CSNK2A2IP: variants seen among roughly 807,000 people sequenced by gnomAD.
CSNK2A2IP encodes casein kinase II subunit alpha'-interacting protein.
chr3:88,429,904 C>T, the CSNK2A2IP span, among the ~76,000 whole-genome samples: 2 of 147,746 alleles, frequency 1.4e-5, no homozygotes, highest in South Asian at 4.6e-4. Flanking sequence ...AGGCGCCCGC[C>T]ACCACGCCAG....
chr3:88,371,907 A>C, the CSNK2A2IP span, among the ~76,000 whole-genome samples: 1 of 151,652 alleles, frequency 6.6e-6, no homozygotes, highest in East Asian at 1.9e-4. Flanking sequence ...GACATATTCA[A>C]AGTGCTTAAA....
the CSNK2A2IP span, among the ~76,000 whole-genome samples, chr3:88,395,462 T>C: frequency 6.6e-6 from 1 of 152,224 alleles, no homozygotes. Context: ...ACTACATTTG[T>C]GAACATAAAC....
the CSNK2A2IP span, among the ~76,000 whole-genome samples, chr3:88,462,684 A>T: frequency 5.9e-5 from 9 of 152,368 alleles, no homozygotes; most frequent in East Asian, 1.7e-3. Flanking sequence ...GCTGCCAGGG[A>T]TGATTTCAAA....
At chr3:88,415,608 G>A in the CSNK2A2IP span, among the ~76,000 whole-genome samples, 1 of 151,874 alleles carries the variant, frequency 6.6e-6, no homozygotes, top group Admixed American at 6.6e-5. Flanking sequence ...GGGAGGGGGC[G>A]GGAAAGAGAG....
the CSNK2A2IP span, among the ~76,000 whole-genome samples, chr3:88,449,567 C>T: frequency 5.3e-5 from 8 of 150,748 alleles, no homozygotes; most frequent in Admixed American, 2.6e-4. Context: ...TCATATCTTC[C>T]ACTTCATGTG....
chr3:88,387,802 T>G, the CSNK2A2IP span, among the ~76,000 whole-genome samples: 1 of 152,174 alleles, frequency 6.6e-6, no homozygotes, highest in Non-Finnish European at 1.5e-5. Flanking sequence ...CACAGCTCAC[T>G]GCAGCCTTGA....
At chr3:88,351,329 T>C in the CSNK2A2IP span, among the ~76,000 whole-genome samples, 1 of 152,132 alleles carries the variant, frequency 6.6e-6, no homozygotes, top group Non-Finnish European at 1.5e-5. Context: ...TGACAGCTTG[T>C]TAGATAAATA....
chr3:88,419,576 T>G, the CSNK2A2IP span, among the ~76,000 whole-genome samples: 1 of 152,196 alleles, frequency 6.6e-6, no homozygotes, highest in Non-Finnish European at 1.5e-5. Context: ...TACACGTGCA[T>G]GTTTCTTTAC....
the CSNK2A2IP span, among the ~76,000 whole-genome samples, chr3:88,383,991 C>T: frequency 7.9e-5 from 12 of 152,024 alleles, no homozygotes; most frequent in Admixed American, 7.9e-4. Context: ...CTGCTTTTGA[C>T]CCTGCCGATT....
At chr3:88,353,910 AAAT>A in the CSNK2A2IP span, among the ~76,000 whole-genome samples, 1 of 152,116 alleles carries the variant, frequency 6.6e-6, no homozygotes, top group African/African-American at 2.4e-5. Context: ...TCTTATGTTA[AAAT>A]TTGATCCCCA....
the CSNK2A2IP span, among the ~76,000 whole-genome samples, chr3:88,387,317 T>G: frequency 4.6e-5 from 7 of 151,952 alleles, no homozygotes; most frequent in African/African-American, 1.2e-4. Context: ...ATTACAGGCA[T>G]GTGCCACCAC....
chr3:88,436,124 T>C, the CSNK2A2IP span, among the ~76,000 whole-genome samples: 2 of 152,046 alleles, frequency 1.3e-5, no homozygotes, highest in African/African-American at 2.4e-5. Flanking sequence ...GTTCTTTACC[T>C]GAATTACTTT....
chr3:88,452,697 C>A, the CSNK2A2IP span, among the ~76,000 whole-genome samples: 3 of 152,060 alleles, frequency 2.0e-5, no homozygotes, highest in African/African-American at 4.8e-5. Flanking sequence ...GAAATAGTAG[C>A]CTAGGAATTA....
chr3:88,382,139 T>A, the CSNK2A2IP span, among the ~76,000 whole-genome samples: 2 of 152,236 alleles, frequency 1.3e-5, no homozygotes, highest in African/African-American at 2.4e-5. Context: ...ACTTGTTCAG[T>A]TAGCCACTAC....
chr3:88,416,919 ATTATGGCATGAAAATAAT>A, the CSNK2A2IP span, among the ~76,000 whole-genome samples: 1 of 152,040 alleles, frequency 6.6e-6, no homozygotes, highest in Non-Finnish European at 1.5e-5. Flanking sequence ...CATATGCAAT[ATTATGGCATGAAAATAAT>A]TTACAGCACT....
At chr3:88,465,740 AAAC>A in the CSNK2A2IP span, 11 of 1,231,526 alleles carry the variant, frequency 8.9e-6, no homozygotes, top group Non-Finnish European at 1.1e-5. Context: ...TCCAAAGCTC[AAAC>A]AACGTCTTCA....
the CSNK2A2IP span, among the ~76,000 whole-genome samples, chr3:88,439,952 G>A: frequency 6.6e-6 from 1 of 151,930 alleles, no homozygotes; most frequent in Admixed American, 6.6e-5. Flanking sequence ...GAGAGAACAG[G>A]CTCACTATAA....
the CSNK2A2IP span, among the ~76,000 whole-genome samples, chr3:88,445,148 T>C: frequency 1.3e-5 from 2 of 151,872 alleles, no homozygotes; most frequent in Non-Finnish European, 2.9e-5. Flanking sequence ...CCAGAGATAA[T>C]ATAATCTACA....
At chr3:88,397,355 C>T in the CSNK2A2IP span, among the ~76,000 whole-genome samples, 1 of 152,098 alleles carries the variant, frequency 6.6e-6, no homozygotes, top group Non-Finnish European at 1.5e-5. Flanking sequence ...TTTGTGCTAC[C>T]TTTACAATAG....
Sources: gnomAD v4.1 joint callset for allele counts (sites outside exome capture counted in the v4.1 genomes callset) on GRCh38, gnomAD v4.1.1 for gene constraint, MANE v1.5 for transcripts, NCBI Gene and HGNC (gene_info 2026-07-23, HGNC 2026-07-21) for gene names.